Variants in ABCB10 observed in about 807,000 individuals in gnomAD.
ABCB10 encodes ATP-binding cassette sub-family B member 10, mitochondrial.
ABCB10 carries 54 observed loss-of-function variants against 65.4 expected under a neutral mutation model. The observed-to-expected ratio is 0.83, with a 90% CI of 0.66 to 1.04. The LOEUF is 1.04. Ranked by LOEUF, ABCB10 falls within the 50% of genes least tolerant of loss-of-function variation. The pLI is 0.00. For synonymous variants in ABCB10, 418 were observed against 406.5 expected (o/e 1.03, Z -0.34); for missense variants, 846 against 976.6 (o/e 0.87, Z 1.78).
At position 229,558,477 on chromosome 1, in the gene ABCB10, A is replaced by G. The variant is rs1396910909; in HGVS notation, c.176T>C (p.Leu59Pro). Residue 59 changes from leucine to proline, a missense_variant, in exon 1 of 13, where the codon CTC becomes CCC. Leu to Pro is a moderately conservative substitution (Grantham distance 98). Coordinates refer to ENST00000344517, the MANE Select transcript of ABCB10 (RefSeq NM_012089.3). ...ARLWGAGPAL[L>P]WGVGAARRWR... ...GCGGCGCGCGGCTCCAACGCCCCAGAGCAGCGCGGGCCCCGCGCCCCATAG... is the reference window on the plus strand; with the variant it reads ...GCGGCGCGCGGCTCCAACGCCCCAGGGCAGCGCGGGCCCCGCGCCCCATAG... 1.6e-6 allele frequency: 2 copies of G among 1,281,380 alleles called. No individual in the cohort carries two copies. 79.4% of individuals were successfully genotyped at this position (1,281,380 alleles called of 1,614,324 possible).
chr1:229,544,594 A>AC (rs1662926505), intron 3 of ABCB10, among the ~76,000 whole-genome samples: 1 of 152,298 alleles, frequency 6.6e-6, no homozygotes, highest in African/African-American at 2.4e-5. Flanking sequence ...CACATTTCTG[A>AC]TCCCCTAGAG....
rs1312620175 is a variant in ABCB10 at position 229,558,479 on chromosome 1, C to A, written c.174G>T (p.Leu58=). The A allele has an allele frequency of 6.2e-6, 8 of 1,282,724 alleles. No homozygotes were observed. The African/African-American group carries it at 1.1e-4, about 18-fold the overall frequency. 79.5% of individuals were successfully genotyped at this position (1,282,724 alleles called of 1,614,324 possible). Reference sequence around the variant, plus strand: ...GGCGCGCGGCTCCAACGCCCCAGAGCAGCGCGGGCCCCGCGCCCCATAGCC... The same window carrying A: ...GGCGCGCGGCTCCAACGCCCCAGAGAAGCGCGGGCCCCGCGCCCCATAGCC... ...PARLWGAGPA[L]LWGVGAARRW... Residue 58 remains leucine, a synonymous_variant, in exon 1 of 13, where the codon CTG becomes CTT. Coordinates refer to ENST00000344517, the MANE Select transcript of ABCB10 (RefSeq NM_012089.3).
chr1:229,542,771 G>A (rs1662881181), intron 3 of ABCB10, among the ~76,000 whole-genome samples: 1 of 151,778 alleles, frequency 6.6e-6, no homozygotes, highest in Non-Finnish European at 1.5e-5. Context: ...TGAACCACCT[G>A]CAGGCACTGA....
intron 7 of ABCB10, among the ~76,000 whole-genome samples, chr1:229,531,005 T>C (rs1383033543): frequency 6.6e-6 from 1 of 152,180 alleles, no homozygotes; most frequent in East Asian, 1.9e-4. Context: ...TTGGAGAATA[T>C]TGGGCTTTCA....
intron 3 of ABCB10, among the ~76,000 whole-genome samples, chr1:229,545,783 A>G (rs1003046884): frequency 6.6e-6 from 1 of 152,220 alleles, no homozygotes; most frequent in Non-Finnish European, 1.5e-5. Context: ...CAACTTATAC[A>G]TAGATTTTCT....
Position 229,516,782 on chromosome 1 carries a change from T to C in ABCB10, c.*1397A>G, listed in dbSNP as rs1255932399. Reference sequence around the variant, plus strand: ...AATCACACTTTATAAAGAACACAAGTAGAGCTTGTTAAAAATGATTGTCAC... The same window carrying C: ...AATCACACTTTATAAAGAACACAAGCAGAGCTTGTTAAAAATGATTGTCAC... On this transcript the variant is annotated 3_prime_UTR_variant, in exon 13 of 13. Transcript: ENST00000344517. 6.6e-6 allele frequency: 1 copy of C among 152,202 alleles called. No homozygotes were observed. Among genetic ancestry groups the C allele is most frequent in the Non-Finnish European group, 1.5e-5 (1 of 68,020 alleles). The allele number at this position is 152,202 out of a possible 1,614,324, so 9.4% of individuals were successfully genotyped here.
In ABCB10 at chr1:229,531,687, CTGCACCCAG is replaced by C; in HGVS notation, c.1375_1383del (p.Leu459_Ala461del). ...TCCAGGAGCTCCCAGAGGCGCCCCC[CTGCACCCAG>C]TCCTTTCATCAGCTCCGAGTAGAAA... On this transcript the variant is annotated inframe_deletion, in exon 7 of 13. Coordinates refer to ENST00000344517, the MANE Select transcript of ABCB10 (RefSeq NM_012089.3). 1 of 1,613,966 alleles carries C rather than the reference CTGCACCCAG, an allele frequency of 6.2e-7. No homozygotes were observed. The highest frequency in any genetic ancestry group is 1.7e-5 in the Admixed American group (1 of 60,006).
chr1:229,549,503 G>C, intron 1 of ABCB10, 69 bp from the exon 2 acceptor site: 3 of 1,445,488 alleles, frequency 2.1e-6, no homozygotes, highest in East Asian at 2.5e-5. Context: ...GAGTCCAGGA[G>C]GCTTCCTTGC....
At chr1:229,537,486 T>C (rs1662746020) in intron 6 of ABCB10, among the ~76,000 whole-genome samples, 1 of 152,222 alleles carries the variant, frequency 6.6e-6, no homozygotes, top group South Asian at 2.1e-4. Context: ...ATAAAATTAC[T>C]TTAAAAACAT....
chr1:229,556,312 C>T (rs1017766851), intron 1 of ABCB10, among the ~76,000 whole-genome samples: 1 of 149,448 alleles, frequency 6.7e-6, no homozygotes, highest in African/African-American at 2.5e-5. Context: ...GCGGAGGTTG[C>T]GGTGAGGTGA....
Position 229,549,419 on chromosome 1 carries a change from A to G in ABCB10, c.533T>C (p.Leu178Pro). 6.2e-7 allele frequency: 1 copy of G among 1,614,006 alleles called. No homozygotes were observed. Among genetic ancestry groups the G allele is most frequent in the Non-Finnish European group, 8.5e-7 (1 of 1,179,916 alleles). The change falls in exon 2 of 13, where the codon CTC becomes CCC. Residue 178 changes from leucine to proline, a missense_variant. By Grantham distance (98) the Leu-to-Pro change is moderately conservative. Transcript: ENST00000344517. The part of the protein sequence containing the change: ...RRRLAAAVGF[L>P]TMSSVISMSA... ...CATGGAGATAACACTGGACATCGTG[A>G]GAAATCCAACCGCAGCTAGAAAACA...
rs1314875583 is a variant in ABCB10 at position 229,518,033 on chromosome 1, A to C, written c.*146T>G. 3.1e-6 allele frequency: 2 copies of C among 644,730 alleles called. No individual in the cohort carries two copies. The highest frequency in any genetic ancestry group is 5.4e-6 in the Non-Finnish European group (2 of 371,706). 39.9% of individuals were successfully genotyped at this position (644,730 alleles called of 1,614,324 possible). A position where few individuals can be genotyped will look rare whatever the true frequency, so the allele number is the denominator to read the frequency against. ...AAGATCTTGAGAACAGGTACGTTTC[A>C]AAACAATCTTTTACACACTTTGGAA... On this transcript the variant is annotated 3_prime_UTR_variant, in exon 13 of 13. Coordinates refer to ENST00000344517, the MANE Select transcript of ABCB10 (RefSeq NM_012089.3).
chr1:229,525,044 A>G (rs10799536), intron 10 of ABCB10, among the ~76,000 whole-genome samples: 46,750 of 151,886 alleles, frequency 0.31, 9,031 homozygotes, highest in African/African-American at 0.54. Flanking sequence ...TAGTAGAGAC[A>G]GGGTTTCACC....
intron 1 of ABCB10, among the ~76,000 whole-genome samples, chr1:229,555,491 C>T (rs1040277026): frequency 6.6e-6 from 1 of 152,266 alleles, no homozygotes; most frequent in Non-Finnish European, 1.5e-5. Flanking sequence ...AAGCTGCTTT[C>T]AGCACACGTC....
At chr1:229,535,181 T>G (rs1028368255) in intron 6 of ABCB10, 2 of 152,072 alleles carry the variant, frequency 1.3e-5, no homozygotes, top group Admixed American at 1.3e-4. Context: ...ACTGCCACTG[T>G]GCTAAGCTAA....
In ABCB10 at chr1:229,558,483, G is replaced by C; in HGVS notation, c.170C>G (p.Ala57Gly). ...RPARLWGAGPALLWGVGAARR... is the reference protein window; with the variant it reads ...RPARLWGAGPGLLWGVGAARR... ...CGCGGCTCCAACGCCCCAGAGCAGC[G>C]CGGGCCCCGCGCCCCATAGCCGCGC... Residue 57 changes from alanine to glycine, a missense_variant, in exon 1 of 13, where the codon GCG becomes GGG. Ala to Gly is a moderately conservative substitution (Grantham distance 60, BLOSUM62 0). This residue lies in a region of ABCB10 where 214 missense variants were observed against 173.5 expected (regional missense o/e 1.23). Coordinates refer to ENST00000344517, the MANE Select transcript of ABCB10 (RefSeq NM_012089.3). 1 of 1,294,856 alleles carries C rather than the reference G, an allele frequency of 7.7e-7. No homozygotes were observed. The highest frequency in any genetic ancestry group is 9.8e-7 in the Non-Finnish European group (1 of 1,021,098). The allele number at this position is 1,294,856 out of a possible 1,614,324, so 80.2% of individuals were successfully genotyped here. A position where few individuals can be genotyped will look rare whatever the true frequency, so the allele number is the denominator to read the frequency against.
At chr1:229,532,357 A>T (rs1571963975) in intron 6 of ABCB10, among the ~76,000 whole-genome samples, 1 of 152,210 alleles carries the variant, frequency 6.6e-6, no homozygotes, top group Non-Finnish European at 1.5e-5. Context: ...CCGCAGAGGA[A>T]ATCTACCTAG....
Position 229,530,262 on chromosome 1 carries a change from G to T in ABCB10, c.1582C>A (p.Pro528Thr), listed in dbSNP as rs1336610629. 2 of 1,614,076 alleles carry T rather than the reference G, an allele frequency of 1.2e-6. No homozygotes were observed. Among genetic ancestry groups the T allele is most frequent in the Non-Finnish European group, 1.7e-6 (2 of 1,180,008 alleles). Residue 528 changes from proline to threonine, a missense_variant, in exon 8 of 13, where the codon CCA (proline) becomes ACA (threonine). This residue lies in a region of ABCB10 where 632 missense variants were observed against 803.2 expected (regional missense o/e 0.79). Transcript: ENST00000344517. ...PSGSVTALVG[P>T]SGSGKSTVLS... is the part of the protein sequence containing the mutation. Reference sequence around the variant, plus strand: ...ACTGTTGATTTGCCAGAACCACTTGGGCCAACCAGTGCCGTGACAGATCCT... The same window carrying T: ...ACTGTTGATTTGCCAGAACCACTTGTGCCAACCAGTGCCGTGACAGATCCT...
chr1:229,534,594 G>A (rs374666430), intron 6 of ABCB10, among the ~76,000 whole-genome samples: 35 of 151,778 alleles, frequency 2.3e-4, no homozygotes, highest in African/African-American at 7.7e-4. Context: ...TAGGCCAGGC[G>A]TGGATGGCTC....
Sources: allele counts gnomAD v4.1 joint callset (sites outside exome capture counted in the v4.1 genomes callset), GRCh38; gene constraint gnomAD v4.1.1; regional missense constraint gnomAD v4.1.1; transcripts MANE v1.5; gene names NCBI Gene and HGNC (gene_info 2026-07-23, HGNC 2026-07-21).